The following LRP5 variants were observed in gnomAD, a reference collection of about 807,000 sequenced individuals.
LRP5 encodes LDL receptor related protein 5.
Under a neutral mutation model 154.1 loss-of-function variants are expected in LRP5, and 62 were observed. The ratio of observed to expected loss-of-function variants is 0.40; its 90% confidence interval spans 0.33 to 0.50. The LOEUF is 0.50. Ranked by LOEUF, LRP5 falls within the 20% of genes least tolerant of loss-of-function variation. LRP5 has a pLI of 0.55. For missense variants in LRP5, 1,915 were observed against 2,336.7 expected, an observed-to-expected ratio of 0.82 and a Z score of 3.72; for synonymous variants, 966 against 1,011.5, an observed-to-expected ratio of 0.96 and a Z score of 0.85.
rs752058453 is a variant in LRP5, at chr11:68,363,962, G to A, written c.883+19G>A. ...CCTTTCTGTGAGTGCCGGCTGGGGC[G>A]CGGGGGCGAGGGTGCGGGGGCTGGG... On this transcript the variant is annotated intron_variant, in intron 4 of 22. Transcript: ENST00000294304. The A allele has an allele frequency of 7.0e-6, 11 of 1,572,638 alleles. No homozygotes were observed. Among genetic ancestry groups the A allele is most frequent in the African/African-American group, 4.1e-5 (3 of 73,044 alleles).
chr11:68,308,334 C>T (rs1238586445), upstream of LRP5, among the ~76,000 whole-genome samples: 1 of 152,202 alleles, frequency 6.6e-6, no homozygotes, highest in African/African-American at 2.4e-5. Context: ...AGGCACTTTG[C>T]CCAAGTGTCA....
At chr11:68,438,941 A>G (rs1023941824) in intron 20 of LRP5, among the ~76,000 whole-genome samples, 2 of 152,184 alleles carry the variant, frequency 1.3e-5, no homozygotes, top group Admixed American at 1.3e-4. Context: ...TGACCTTCAT[A>G]TTCTAGTAGG....
intron 8 of LRP5, among the ~76,000 whole-genome samples, chr11:68,405,544 A>T (rs1018302603): frequency 5.9e-5 from 9 of 152,026 alleles, no homozygotes; most frequent in African/African-American, 2.2e-4. Context: ...TTGTTCAAAG[A>T]ACAAAAAATA....
the LRP5 span, among the ~76,000 whole-genome samples, chr11:68,300,927 T>G: frequency 1.1e-5 from 1 of 88,682 alleles, no homozygotes; most frequent in East Asian, 2.7e-4. Flanking sequence ...ATTAATTTAT[T>G]TTTTTTTTAT....
intron 7 of LRP5, among the ~76,000 whole-genome samples, chr11:68,401,450 C>T (rs1308104168): frequency 6.6e-6 from 1 of 152,208 alleles, no homozygotes; most frequent in African/African-American, 2.4e-5. Flanking sequence ...CATACCTGGG[C>T]CCTGGGCTAT....
At chr11:68,305,733 A>T in the LRP5 span, among the ~76,000 whole-genome samples, 1 of 152,100 alleles carries the variant, frequency 6.6e-6, no homozygotes, top group African/African-American at 2.4e-5. Context: ...GTGAGCCACC[A>T]TGCCCGGCCT....
chr11:68,385,826 C>T (rs1033920974), intron 5 of LRP5, among the ~76,000 whole-genome samples: 4 of 151,888 alleles, frequency 2.6e-5, no homozygotes, highest in Non-Finnish European at 2.9e-5. Flanking sequence ...GAGGAGGGAG[C>T]GATGAAGTGG....
chr11:68,357,993 C>T (rs192636863), intron 3 of LRP5, 146 bp downstream of exon 3: 16 of 775,942 alleles, frequency 2.1e-5, no homozygotes, highest in Non-Finnish European at 3.2e-5. Context: ...CTTGGAACAG[C>T]GTCAGGGTCT....
intron 1 of LRP5, among the ~76,000 whole-genome samples, chr11:68,318,347 C>CTT (rs777922038): frequency 7.8e-5 from 10 of 127,778 alleles, no homozygotes; most frequent in South Asian, 2.6e-4. Context: ...ACCCGGCCTG[C>CTT]TTTTTTTTTT....
At chr11:68,321,962 A>G (rs1349629852) in intron 1 of LRP5, among the ~76,000 whole-genome samples, 3 of 152,222 alleles carry the variant, frequency 2.0e-5, no homozygotes, top group African/African-American at 7.2e-5. Flanking sequence ...GTTCTGCCCC[A>G]GGAAGGAGCA....
the LRP5 span, among the ~76,000 whole-genome samples, chr11:68,305,405 C>A: frequency 1.3e-5 from 2 of 151,838 alleles, no homozygotes; most frequent in African/African-American, 4.8e-5. Flanking sequence ...GCCAGTTAAC[C>A]CCTTTCTTTA....
intron 14 of LRP5, 119 bp from the exon 15 acceptor site, chr11:68,424,983 A>C: frequency 1.3e-6 from 1 of 776,358 alleles, no homozygotes; most frequent in East Asian, 2.6e-5. Flanking sequence ...GTGACCTGTC[A>C]GCCTCGGGCA....
intron 1 of LRP5, among the ~76,000 whole-genome samples, chr11:68,317,796 G>T (rs2098594310): frequency 6.6e-6 from 1 of 152,116 alleles, no homozygotes; most frequent in African/African-American, 2.4e-5. Context: ...TGGCTGCTGG[G>T]CGACTGTGCC....
chr11:68,323,321 C>T (rs2098597812), intron 1 of LRP5, among the ~76,000 whole-genome samples: 1 of 152,002 alleles, frequency 6.6e-6, no homozygotes, highest in South Asian at 2.1e-4. Flanking sequence ...GTTGGCTGGG[C>T]TGGTCTCGAA....
At chr11:68,445,449 G>A (rs562945422) in intron 21 of LRP5, 218 of 404,360 alleles carry the variant, frequency 5.4e-4, no homozygotes, top group African/African-American at 4.3e-3. Context: ...CCAGAAGGTG[G>A]TAAAACAGGA....
At chr11:68,395,748 G>A (rs945938510) in intron 7 of LRP5, among the ~76,000 whole-genome samples, 3 of 152,120 alleles carry the variant, frequency 2.0e-5, no homozygotes, top group Non-Finnish European at 4.4e-5. Flanking sequence ...ACTTAGCCTC[G>A]AGATTGCTGC....
intron 1 of LRP5, among the ~76,000 whole-genome samples, chr11:68,341,173 G>A (rs564194446): frequency 1.3e-5 from 2 of 151,352 alleles, no homozygotes; most frequent in South Asian, 2.1e-4. Context: ...GGTGATCCCT[G>A]GGGAGAGGGC....
chr11:68,357,388 T>C (rs1183903065), intron 2 of LRP5, among the ~76,000 whole-genome samples: 4 of 152,120 alleles, frequency 2.6e-5, no homozygotes, highest in Non-Finnish European at 5.9e-5. Flanking sequence ...CACTAGGCAA[T>C]CATCAAAAGA....
At chr11:68,395,723 G>C (rs569635341) in intron 7 of LRP5, among the ~76,000 whole-genome samples, 15 of 152,246 alleles carry the variant, frequency 9.9e-5, no homozygotes, top group Admixed American at 2.0e-4. Context: ...CCATCCACCT[G>C]CACGTCCAGA....
Sources: allele counts gnomAD v4.1 joint callset (sites outside exome capture counted in the v4.1 genomes callset), GRCh38; gene constraint gnomAD v4.1.1; transcripts MANE v1.5; gene names NCBI Gene and HGNC (gene_info 2026-07-23, HGNC 2026-07-21).